The following CTDP1 variants were observed in gnomAD, a reference collection of about 807,000 sequenced individuals.
CTDP1 encodes the protein RNA polymerase II subunit A C-terminal domain phosphatase.
Under a neutral mutation model 91.8 loss-of-function variants are expected in CTDP1, and 47 were observed. The observed-to-expected ratio is 0.51, with a 90% CI of 0.41 to 0.65. CTDP1 has a LOEUF of 0.65. Ranked by LOEUF, CTDP1 falls within the 30% of genes least tolerant of loss-of-function variation. The pLI, the probability that CTDP1 is intolerant of heterozygous loss-of-function variation, is 0.00. For synonymous variants in CTDP1, 656 were observed against 598.5 expected (o/e 1.10, Z -1.40); for missense variants, 1,272 against 1,373.7 (o/e 0.93, Z 1.17).
intron 12 of CTDP1, 37 bp from the exon 13 acceptor site, chr18:79,753,615 G>T (rs945611853): frequency 3.7e-6 from 6 of 1,613,996 alleles, no homozygotes; most frequent in East Asian, 2.2e-5. Flanking sequence ...TTGTGCGTTT[G>T]CCACAAGCAT....
intron 12 of CTDP1, among the ~76,000 whole-genome samples, chr18:79,753,303 C>T (rs1310566270): frequency 6.6e-6 from 1 of 152,256 alleles, no homozygotes; most frequent in African/African-American, 2.4e-5. Flanking sequence ...CTAATAGTTA[C>T]TCTGACAGAT....
At chr18:79,746,118 GC>G (rs2086872607) in intron 12 of CTDP1, among the ~76,000 whole-genome samples, 1 of 4,344 alleles carries the variant, frequency 2.3e-4, no homozygotes, top group Non-Finnish European at 4.1e-4. Context: ...CCTCCCGTGC[GC>G]GTTCTGTCCC....
intron 10 of CTDP1, among the ~76,000 whole-genome samples, chr18:79,721,193 G>C (rs564621900): frequency 6.6e-6 from 1 of 152,318 alleles, no homozygotes; most frequent in East Asian, 1.9e-4. Flanking sequence ...GGTGATCCCA[G>C]GGACTGGGAA....
At chr18:79,698,016 T>C (rs200501358) in intron 4 of CTDP1, 28 bp downstream of exon 4, 15 of 1,613,942 alleles carry the variant, frequency 9.3e-6, no homozygotes. Context: ...CTACGGACAG[T>C]TTCCCAGGAA....
At chr18:79,683,510 G>C (rs2085418605) in intron 1 of CTDP1, among the ~76,000 whole-genome samples, 1 of 152,196 alleles carries the variant, frequency 6.6e-6, no homozygotes. Context: ...CCTTTTAACA[G>C]GGACCTCCCA....
chr18:79,708,716 CCACAGTCCCAG>C (rs1251335769), intron 5 of CTDP1, among the ~76,000 whole-genome samples: 3 of 152,402 alleles, frequency 2.0e-5, no homozygotes, highest in African/African-American at 7.2e-5. Flanking sequence ...CATGACAAGA[CCACAGTCCCAG>C]CTCCCGACTC....
intron 1 of CTDP1, among the ~76,000 whole-genome samples, chr18:79,692,694 C>T (rs988437566): frequency 2.0e-5 from 3 of 152,052 alleles, no homozygotes; most frequent in Admixed American, 6.5e-5. Flanking sequence ...AGGAGCCCGC[C>T]GTGAGCTGGT....
At chr18:79,709,970 C>T (rs117381185) in intron 5 of CTDP1, among the ~76,000 whole-genome samples, 6,393 of 152,292 alleles carry the variant, frequency 0.042, 215 homozygotes, top group Middle Eastern at 0.078. Context: ...TGTCCAGACT[C>T]CATCACGTGA....
chr18:79,683,263 A>C (rs1377688573), intron 1 of CTDP1: 5 of 152,272 alleles, frequency 3.3e-5, no homozygotes, highest in Admixed American at 3.3e-4. Flanking sequence ...TGAGATCTTT[A>C]TCTGGGAGAG....
Position 79,715,090 on chromosome 18 carries a change from C to T in CTDP1, c.1630C>T (p.Leu544=). ...EEGERDGLCG[L]GNGCADRKEA... Reference sequence around the variant, plus strand: ...GGGCGAGCGGGATGGCCTCTGCGGCCTGGGCAACGGCTGTGCCGACAGGAA... The same window carrying T: ...GGGCGAGCGGGATGGCCTCTGCGGCTTGGGCAACGGCTGTGCCGACAGGAA... The change falls in exon 8 of 13, where the codon CTG becomes TTG. Residue 544 remains leucine, a synonymous_variant. Coordinates refer to ENST00000613122, the MANE Select transcript of CTDP1 (RefSeq NM_004715.5). 6.2e-7 allele frequency: 1 copy of T among 1,613,220 alleles called. No individual in the cohort carries two copies. The highest frequency in any genetic ancestry group is 8.5e-7 in the Non-Finnish European group (1 of 1,179,884).
chr18:79,751,037 G>GCT, intron 12 of CTDP1, among the ~76,000 whole-genome samples: 1 of 131,178 alleles, frequency 7.6e-6, no homozygotes, highest in South Asian at 2.7e-4. Flanking sequence ...CCGAGGGCAG[G>GCT]TCAGGGAGGG....
intron 11 of CTDP1, among the ~76,000 whole-genome samples, chr18:79,731,667 C>T (rs1040059742): frequency 2.6e-5 from 4 of 152,184 alleles, no homozygotes; most frequent in Non-Finnish European, 5.9e-5. Flanking sequence ...CGAGGCATGG[C>T]GTCAGTAAGC....
chr18:79,678,303 C>T (rs2085279697), upstream of CTDP1: 1 of 152,240 alleles, frequency 6.6e-6, no homozygotes, highest in South Asian at 2.1e-4. Flanking sequence ...GCAACAGCGC[C>T]ACAAACAGCT....
rs1461808884 is a variant in CTDP1 at position 79,736,426 on chromosome 18, G to A, written c.2652G>A (p.Glu884=). 2.6e-6 allele frequency: 4 copies of A among 1,549,346 alleles called. No homozygotes were observed. The highest frequency in any genetic ancestry group is 3.5e-6 in the Non-Finnish European group (4 of 1,146,988). ...SEKRRPEEQE[E]EPQPRKPGTR... ...AGAGGAGGCCTGAGGAGCAGGAGGAGGAGCCCCAGCCCCGGAAGCCAGGGA... is the reference window on the plus strand; with the variant it reads ...AGAGGAGGCCTGAGGAGCAGGAGGAAGAGCCCCAGCCCCGGAAGCCAGGGA... The change falls in exon 12 of 13, where the codon GAG becomes GAA. Residue 884 remains glutamate (E), a synonymous_variant. Coordinates refer to ENST00000613122, the MANE Select transcript of CTDP1 (RefSeq NM_004715.5).
At chr18:79,736,244 C>G (rs2086664413) in intron 11 of CTDP1, 111 bp from the exon 12 acceptor site, 1 of 1,402,008 alleles carries the variant, frequency 7.1e-7, no homozygotes, top group Non-Finnish European at 9.9e-7. Flanking sequence ...AGTGCTACCT[C>G]CAGCCCCCAC....
intron 1 of CTDP1, among the ~76,000 whole-genome samples, chr18:79,686,233 A>G (rs1437468705): frequency 1.3e-5 from 2 of 151,700 alleles, no homozygotes; most frequent in African/African-American, 2.4e-5. Context: ...ATTTGTCTCC[A>G]TTTTCATGGT....
At chr18:79,724,766 A>G (rs192994931) in intron 10 of CTDP1, among the ~76,000 whole-genome samples, 138 of 152,316 alleles carry the variant, frequency 9.1e-4, no homozygotes, top group East Asian at 3.9e-4. Flanking sequence ...CAGATCCCAG[A>G]GATTTTCTTG....
chr18:79,722,833 T>TCTGCGGGGCCTTCGTG lies in CTDP1; in HGVS notation c.2417+4824_2417+4839dup, dbSNP rs1568203220. Among the ~76,000 whole-genome samples the TCTGCGGGGCCTTCGTG allele has an allele frequency of 2.0e-5, 3 of 152,218 alleles. No individual in the cohort carries two copies. The South Asian group carries it at 6.2e-4, about 32-fold the overall frequency. ...GGAAACGGGACCAGCCGGCAGGAGT[T>TCTGCGGGGCCTTCGTG]CTGCGGGGCCTTCGTGCTGCGGTGA... On this transcript the variant is annotated intron_variant, in intron 10 of 12. Transcript: ENST00000613122.
intron 1 of CTDP1, among the ~76,000 whole-genome samples, chr18:79,687,387 G>A (rs1555677112): frequency 1.0e-5 from 1 of 98,534 alleles, no homozygotes; most frequent in Non-Finnish European, 2.0e-5. Flanking sequence ...TTCACTGGTG[G>A]GCCTGCACCG....
Sources: gnomAD v4.1 joint callset for allele counts (sites outside exome capture counted in the v4.1 genomes callset) on GRCh38, gnomAD v4.1.1 for gene constraint, MANE v1.5 for transcripts, NCBI Gene and HGNC (gene_info 2026-07-23, HGNC 2026-07-21) for gene names.